CAST: variants seen among roughly 807,000 people sequenced by gnomAD.
CAST encodes MIR583 host.
CAST carries 76 observed loss-of-function variants against 119.6 expected under a neutral mutation model. The ratio of observed to expected loss-of-function variants is 0.64; its 90% confidence interval spans 0.53 to 0.77. The LOEUF is 0.77. Ranked by LOEUF, CAST falls within the 30% of genes least tolerant of loss-of-function variation. CAST has a pLI of 0.00. For missense variants in CAST, 953 were observed against 946.5 expected, an observed-to-expected ratio of 1.01 and a Z score of -0.09; for synonymous variants, 319 against 331.6, an observed-to-expected ratio of 0.96 and a Z score of 0.41.
intron 4 of CAST, among the ~76,000 whole-genome samples, chr5:96,725,051 C>T (rs1183086764): frequency 6.6e-6 from 1 of 152,148 alleles, no homozygotes; most frequent in Non-Finnish European, 1.5e-5. Flanking sequence ...AAACTCTTCA[C>T]CCTTCTCTAA....
At chr5:96,166,574 G>A in the CAST span, among the ~76,000 whole-genome samples, 1 of 151,990 alleles carries the variant, frequency 6.6e-6, no homozygotes, top group Non-Finnish European at 1.5e-5. Flanking sequence ...ATTAAATAAA[G>A]CTTCCCAGCT....
chr5:96,378,813 T>C, the CAST span, among the ~76,000 whole-genome samples: 4 of 152,162 alleles, frequency 2.6e-5, no homozygotes, highest in Non-Finnish European at 5.9e-5. Flanking sequence ...TTTTCTAGTT[T>C]AGAATTTTAA....
At chr5:96,258,883 T>C in the CAST span, among the ~76,000 whole-genome samples, 2 of 152,226 alleles carry the variant, frequency 1.3e-5, no homozygotes, top group Non-Finnish European at 2.9e-5. Context: ...CAATCTTATA[T>C]GATGAGTTAA....
At chr5:96,400,189 G>A in the CAST span, 4 of 1,607,720 alleles carry the variant, frequency 2.5e-6, no homozygotes, top group Middle Eastern at 3.3e-4. Context: ...GATTTGGGCT[G>A]GAGGGGAAGT....
intron 9 of CAST, among the ~76,000 whole-genome samples, chr5:96,733,465 T>C (rs1443383593): frequency 6.6e-6 from 1 of 152,236 alleles, no homozygotes; most frequent in Non-Finnish European, 1.5e-5. Flanking sequence ...ACCAGTGTTA[T>C]AAGTGAAAAC....
At chr5:96,425,072 GAA>G in the CAST span, among the ~76,000 whole-genome samples, 2 of 142,856 alleles carry the variant, frequency 1.4e-5, no homozygotes, top group African/African-American at 5.2e-5. Flanking sequence ...AAGAAAGAAA[GAA>G]AACGTAGGGT....
At chr5:96,341,506 G>T in the CAST span, among the ~76,000 whole-genome samples, 1 of 152,080 alleles carries the variant, frequency 6.6e-6, no homozygotes, top group Non-Finnish European at 1.5e-5. Context: ...ATTAGTGTAA[G>T]TGCCAGGATA....
the CAST span, among the ~76,000 whole-genome samples, chr5:96,221,917 C>T: frequency 2.1e-3 from 314 of 152,052 alleles, 1 homozygote; most frequent in African/African-American, 7.0e-3. Context: ...GACACACAGT[C>T]GACGAGGAAC....
At chr5:96,669,950 T>A (rs188136364) in intron 1 of CAST, among the ~76,000 whole-genome samples, 75 of 152,348 alleles carry the variant, frequency 4.9e-4, no homozygotes, top group Non-Finnish European at 1.0e-3. Flanking sequence ...TAAATCCCTG[T>A]GCCCTGACAC....
intron 1 of CAST, among the ~76,000 whole-genome samples, chr5:96,568,935 T>G (rs1746524900): frequency 6.6e-6 from 1 of 152,156 alleles, no homozygotes. Flanking sequence ...CTTTTGCTGT[T>G]GTGTCAGAGC....
the CAST span, among the ~76,000 whole-genome samples, chr5:96,374,625 G>T: frequency 2.6e-5 from 4 of 152,164 alleles, no homozygotes; most frequent in African/African-American, 9.7e-5. Context: ...CTTATGTCTT[G>T]TAGTTTTCCA....
chr5:96,716,286 T>G (rs469532), intron 3 of CAST, among the ~76,000 whole-genome samples: 28,286 of 152,154 alleles, frequency 0.19, 2,748 homozygotes, highest in East Asian at 0.24. Flanking sequence ...GTTTTATTTT[T>G]AAGTTGTACA....
At chr5:96,176,914 C>G in the CAST span, among the ~76,000 whole-genome samples, 1 of 152,178 alleles carries the variant, frequency 6.6e-6, no homozygotes, top group Non-Finnish European at 1.5e-5. Flanking sequence ...ACTGCATCAT[C>G]TAAATTTCTC....
the CAST span, among the ~76,000 whole-genome samples, chr5:96,106,784 CT>C: frequency 6.7e-6 from 1 of 149,950 alleles, no homozygotes; most frequent in African/African-American, 2.5e-5. Context: ...TCCTTGTTGA[CT>C]TTCTGTCTCG....
intron 1 of CAST, among the ~76,000 whole-genome samples, chr5:96,602,277 C>T (rs1391872301): frequency 6.6e-6 from 1 of 152,198 alleles, no homozygotes; most frequent in Admixed American, 6.5e-5. Flanking sequence ...ATTGCAATGA[C>T]ATTTCAATTT....
the CAST span, among the ~76,000 whole-genome samples, chr5:96,287,340 C>G: frequency 9.1e-4 from 138 of 152,248 alleles, no homozygotes; most frequent in African/African-American, 2.9e-3. Context: ...CCAGCTCATT[C>G]TGGCTTGAAA....
the CAST span, among the ~76,000 whole-genome samples, chr5:96,261,173 G>A: frequency 6.6e-6 from 1 of 152,176 alleles, no homozygotes; most frequent in Non-Finnish European, 1.5e-5. Flanking sequence ...CTGCATTTAA[G>A]CAGGCTCTAG....
chr5:96,534,801 G>GAAGA lies in CAST; in HGVS notation c.60+4940_60+4943dup, dbSNP rs377420795. Among the ~76,000 whole-genome samples the GAAGA allele has an allele frequency of 2.6e-3, 284 of 108,482 alleles. 4 individuals carry two copies. Among genetic ancestry groups the GAAGA allele is most frequent in the African/African-American group, 6.5e-3 (178 of 27,182 alleles). 71.2% of individuals were successfully genotyped at this position (108,482 alleles called of 152,430 possible). A position where few individuals can be genotyped will look rare whatever the true frequency, so the allele number is the denominator to read the frequency against. On this transcript the variant is annotated intron_variant, in intron 1 of 11. Transcript: ENST00000505143. ...AGAAAGAAAGAAAGAAAGAAAGAAA[G>GAAGA]AAGAAAGAAAGAAAGAAAGAAAAGA...
the CAST span, among the ~76,000 whole-genome samples, chr5:95,975,147 A>G: frequency 2.0e-5 from 3 of 152,240 alleles, no homozygotes; most frequent in East Asian, 1.9e-4. Context: ...ACCCCTAAGT[A>G]TGAGAAAGTC....
Sources: gnomAD v4.1 joint callset for allele counts (sites outside exome capture counted in the v4.1 genomes callset) on GRCh38, gnomAD v4.1.1 for gene constraint, MANE v1.5 for transcripts, NCBI Gene and HGNC (gene_info 2026-07-23, HGNC 2026-07-21) for gene names.